The following IARS1 variants were observed in gnomAD, a reference collection of about 807,000 sequenced individuals.
IARS1 encodes the protein isoleucine--tRNA ligase, cytoplasmic.
Under a neutral mutation model 168.2 loss-of-function variants are expected in IARS1, and 124 were observed. The ratio of observed to expected loss-of-function variants is 0.74; its 90% CI spans 0.64 to 0.86. IARS1 has a LOEUF of 0.86. IARS1 is among the 40% of genes least tolerant of loss of function. The pLI is 0.00. For synonymous variants in IARS1, 532 were observed against 529.4 expected (o/e 1.00, Z -0.07); for missense variants, 1,452 against 1,515.8 (o/e 0.96, Z 0.70).
chr9:92,259,014 A>G lies in IARS1; in HGVS notation c.1872-16T>C. 1 of 1,584,926 alleles carries G rather than the reference A, an allele frequency of 6.3e-7. No homozygotes were observed. The highest frequency in any genetic ancestry group is 1.2e-5 in the South Asian group (1 of 85,698). ...CAGATATAATCTGGAAGAGGGAGAA[A>G]AATTAGACAGAAAAGGTACTTAGAC... On this transcript the variant is annotated splice_polypyrimidine_tract_variant and intron_variant, in intron 18 of 33. Coordinates refer to ENST00000443024, the MANE Select transcript of IARS1 (RefSeq NM_002161.6).
intron 20 of IARS1, chr9:92,253,768 T>G (rs965105862): frequency 1.6e-5 from 8 of 508,640 alleles, no homozygotes; most frequent in Non-Finnish European, 2.7e-5. Context: ...TACACAACTG[T>G]AGGAAGTGCC....
rs1455848579 is a variant in IARS1, at chr9:92,287,839, A to G, written c.348T>C (p.Tyr116=). Reference sequence around the variant, plus strand: ...TCACAATTGCTCGGCACTGATTGTTATACTCTGTAATCCCCATTTTGGCCA... The same window carrying G: ...TCACAATTGCTCGGCACTGATTGTTGTACTCTGTAATCCCCATTTTGGCCA... The part of the protein sequence containing the change: ...EDVAKMGITE[Y]NNQCRAIVMR... Residue 116 remains tyrosine (Y), a synonymous_variant, in exon 4 of 34, where the codon TAT becomes TAC. Transcript: ENST00000443024. 4.3e-6 allele frequency: 7 copies of G among 1,613,838 alleles called. No individual in the cohort carries two copies. The highest frequency in any genetic ancestry group is 5.1e-6 in the Non-Finnish European group (6 of 1,179,944).
intron 7 of IARS1, among the ~76,000 whole-genome samples, chr9:92,279,258 G>A (rs538161481): frequency 2.0e-5 from 3 of 152,260 alleles, no homozygotes; most frequent in African/African-American, 7.2e-5. Context: ...ATTGTAAGTG[G>A]GGACCACAGT....
Position 92,287,807 on chromosome 9 carries a change from T to C in IARS1, c.380A>G (p.Tyr127Cys), listed in dbSNP as rs185916695. ...NNQCRAIVMR[Y>C]SAEWKSTVSR... is the part of the protein sequence containing the mutation. ...CCAACATACCTTCCACTCAGCAGAA[T>C]ATCTCATCACAATTGCTCGGCACTG... Residue 127 changes from tyrosine to cysteine, a missense_variant, in exon 4 of 34, where the codon TAT (tyrosine) becomes TGT (cysteine). By Grantham distance (194) the Tyr-to-Cys change is radical. Coordinates refer to ENST00000443024, the MANE Select transcript of IARS1 (RefSeq NM_002161.6). The C allele has an allele frequency of 2.5e-6, 4 of 1,613,238 alleles. No homozygotes were observed. Among genetic ancestry groups the C allele is most frequent in the East Asian group, 2.2e-5 (1 of 44,848 alleles).
rs1272173871 is a variant in IARS1 at position 92,227,789 on chromosome 9, AG to A, written c.3409+1211del. Among the ~76,000 whole-genome samples the A allele has an allele frequency of 2.7e-5, 4 of 149,832 alleles. No individual in the cohort carries two copies. In the South Asian group the frequency reaches 8.5e-4, roughly 32 times the overall value. On this transcript the variant is annotated intron_variant, in intron 31 of 33. Coordinates refer to ENST00000443024, the MANE Select transcript of IARS1 (RefSeq NM_002161.6). ...TTCCTAGATGGGATGGCGGCCGGGAAGAGGCGCTCCTCACTTCCTAGATGGG... is the reference window on the plus strand; with the variant it reads ...TTCCTAGATGGGATGGCGGCCGGGAAAGGCGCTCCTCACTTCCTAGATGGG...
At chr9:92,259,468 A>G (rs559674803) in intron 18 of IARS1, among the ~76,000 whole-genome samples, 1 of 152,258 alleles carries the variant, frequency 6.6e-6, no homozygotes, top group Admixed American at 6.5e-5. Context: ...ACAAAGAACT[A>G]CCACCACAAA....
chr9:92,242,802 A>C (rs1828629238), intron 28 of IARS1: 1 of 208,064 alleles, frequency 4.8e-6, no homozygotes, highest in Non-Finnish European at 9.7e-6. Context: ...AGCTCCCTGC[A>C]TATTCCTCAG....
At chr9:92,242,132 T>A in intron 29 of IARS1, 22 bp downstream of exon 29, 2 of 1,591,346 alleles carry the variant, frequency 1.3e-6, no homozygotes, top group Non-Finnish European at 1.7e-6. Flanking sequence ...TTAGTAGTAG[T>A]TCAGTGGAAC....
chr9:92,290,408 G>T (rs1024960343), intron 1 of IARS1, among the ~76,000 whole-genome samples: 2 of 152,072 alleles, frequency 1.3e-5, no homozygotes, highest in Non-Finnish European at 2.9e-5. Flanking sequence ...TTGTGGTTGG[G>T]TTTTAAGGGT....
intron 33 of IARS1, among the ~76,000 whole-genome samples, chr9:92,222,193 C>T (rs1296112027): frequency 6.6e-6 from 1 of 151,404 alleles, no homozygotes; most frequent in Admixed American, 6.6e-5. Context: ...GGCAGGCGCC[C>T]GTAGTCCCAG....
chr9:92,241,183 A>C (rs897297669), intron 29 of IARS1, among the ~76,000 whole-genome samples: 1 of 152,218 alleles, frequency 6.6e-6, no homozygotes. Context: ...AAAAAAAGTC[A>C]AATAATTACA....
chr9:92,221,458 A>G (rs1839652929), intron 33 of IARS1, among the ~76,000 whole-genome samples: 1 of 152,182 alleles, frequency 6.6e-6, no homozygotes, highest in Non-Finnish European at 1.5e-5. Flanking sequence ...GTATAAATAG[A>G]AAAAAACAGA....
In IARS1 at chr9:92,277,381, C is replaced by T. The variant is rs546343102; in HGVS notation, c.894+482G>A. Among the ~76,000 whole-genome samples the T allele has an allele frequency of 1.8e-4, 28 of 151,944 alleles. 1 individual carries two copies. Among genetic ancestry groups the T allele is most frequent in the African/African-American group, 6.5e-4 (27 of 41,444 alleles). On this transcript the variant is annotated intron_variant, in intron 9 of 33. Coordinates refer to ENST00000443024, the MANE Select transcript of IARS1 (RefSeq NM_002161.6). Reference sequence around the variant, plus strand: ...CAGAGGTTGCAGTCAGCCAAGATCGCGCTATTGCACGATATTTGCACTCCA... The same window carrying T: ...CAGAGGTTGCAGTCAGCCAAGATCGTGCTATTGCACGATATTTGCACTCCA...
intron 29 of IARS1, among the ~76,000 whole-genome samples, chr9:92,241,548 C>T (rs574322670): frequency 6.6e-6 from 1 of 152,162 alleles, no homozygotes; most frequent in South Asian, 2.1e-4. Context: ...GTTTCACCAG[C>T]CCAGGCTGGT....
chr9:92,283,174 T>C lies in IARS1; in HGVS notation c.598-2281A>G, dbSNP rs552914627. On this transcript the variant is annotated intron_variant, in intron 6 of 33. Coordinates refer to ENST00000443024, the MANE Select transcript of IARS1 (RefSeq NM_002161.6). ...CAATCAATATACAGACCGCGTAGAA[T>C]AGAGGTCAGCAAACCATGGCCCCTG... Among the ~76,000 whole-genome samples, 8 of 152,346 alleles carry C rather than the reference T, an allele frequency of 5.3e-5. No individual in the cohort carries two copies. The South Asian group carries it at 1.7e-3, about 32-fold the overall frequency.
At chr9:92,267,970 T>C (rs1243001539) in intron 14 of IARS1, among the ~76,000 whole-genome samples, 1 of 152,124 alleles carries the variant, frequency 6.6e-6, no homozygotes, top group African/African-American at 2.4e-5. Flanking sequence ...GTTTTATAAA[T>C]TGTATTTAAT....
intron 25 of IARS1, 124 bp from the exon 26 acceptor site, chr9:92,247,675 A>T: frequency 1.3e-6 from 1 of 754,952 alleles, no homozygotes. Context: ...AGTGTCCATC[A>T]ACTGTGAATG....
At chr9:92,250,493 C>A (rs1363557177) in intron 23 of IARS1, among the ~76,000 whole-genome samples, 1 of 152,200 alleles carries the variant, frequency 6.6e-6, no homozygotes, top group Non-Finnish European at 1.5e-5. Flanking sequence ...CATGCCCACA[C>A]CCCACCTGCC....
At chr9:92,247,750 A>G (rs186342183) in intron 25 of IARS1, among the ~76,000 whole-genome samples, 199 bp from the exon 26 acceptor site, 1 of 152,240 alleles carries the variant, frequency 6.6e-6, no homozygotes, top group Admixed American at 6.5e-5. Flanking sequence ...TGAAGCACTC[A>G]TATGTGCTAC....
Sources: gnomAD v4.1 joint callset for allele counts (sites outside exome capture counted in the v4.1 genomes callset) on GRCh38, gnomAD v4.1.1 for gene constraint, MANE v1.5 for transcripts, NCBI Gene and HGNC (gene_info 2026-07-23, HGNC 2026-07-21) for gene names.